Variants in ZNF83 observed in about 807,000 individuals in gnomAD.
ZNF83 encodes zinc finger protein 83.
For missense variants in ZNF83, 552 were observed against 629.9 expected (o/e 0.88, Z 1.32); for synonymous variants, 209 against 213.0 (o/e 0.98, Z 0.17).
At chr19:52,666,239 AAG>A (rs1333842570) in intron 1 of ZNF83, among the ~76,000 whole-genome samples, 1 of 151,896 alleles carries the variant, frequency 6.6e-6, no homozygotes, top group Non-Finnish European at 1.5e-5. Flanking sequence ...AAGGGAGTCA[AAG>A]AGAGAGGGAG....
chr19:52,633,628 G>C (rs2061047197), intron 2 of ZNF83, among the ~76,000 whole-genome samples: 1 of 152,198 alleles, frequency 6.6e-6, no homozygotes, highest in Non-Finnish European at 1.5e-5. Context: ...TATATTCATT[G>C]GTCAGGTGTG....
In ZNF83 at chr19:52,628,339, G is replaced by A. The variant is rs567727801; in HGVS notation, c.-234+6727C>T. The stretch of plus-strand genomic sequence containing the variant: ...GAAACATCTCACCAATTTCAAATCC[G>A]GTAAGTGGCCTCTTTTTACTCTCTT... On this transcript the variant is annotated intron_variant, in intron 2 of 2. Transcript: ENST00000301096. Among the ~76,000 whole-genome samples, 116 of 152,166 alleles carry A rather than the reference G, an allele frequency of 7.6e-4. 2 individuals carry two copies. Among genetic ancestry groups the A allele is most frequent in the African/African-American group, 2.5e-3 (104 of 41,530 alleles).
At chr19:52,636,469 G>C (rs897985642) in intron 1 of ZNF83, 1 of 152,146 alleles carries the variant, frequency 6.6e-6, no homozygotes, top group Admixed American at 6.5e-5. Context: ...GGGATTCCAA[G>C]TGGAAGCTAA....
At chr19:52,660,573 G>A (rs917465793) in intron 2 of ZNF83, among the ~76,000 whole-genome samples, 1 of 152,054 alleles carries the variant, frequency 6.6e-6, no homozygotes. Context: ...ATCCCAGATT[G>A]CTCCAGTGAA....
At chr19:52,651,140 A>G (rs62118520) in intron 3 of ZNF83, 27,831 of 152,204 alleles carry the variant, frequency 0.18, 2,673 homozygotes, top group Middle Eastern at 0.24. Context: ...CAAGCCATTA[A>G]TCAAACTGTT....
chr19:52,681,538 G>A (rs9304732), intron 1 of ZNF83, among the ~76,000 whole-genome samples: 35,144 of 151,868 alleles, frequency 0.23, 5,722 homozygotes, highest in African/African-American at 0.47. Flanking sequence ...TGCTTCCCAT[G>A]TCTTAAGCCA....
At chr19:52,613,022 A>T (rs2060153818) in exon 3 of ZNF83, 1 of 1,592,454 alleles carries the variant, frequency 6.3e-7, no homozygotes, top group Non-Finnish European at 8.6e-7. Flanking sequence ...CATTAATTAC[A>T]TGTGTTAGAT....
At chr19:52,688,968 AAAAAG>A (rs2062096347) in intron 1 of ZNF83, among the ~76,000 whole-genome samples, 1 of 144,160 alleles carries the variant, frequency 6.9e-6, no homozygotes, top group African/African-American at 2.6e-5. Flanking sequence ...AAAAAAAAAA[AAAAAG>A]AGAGAGATTA....
intron 1 of ZNF83, among the ~76,000 whole-genome samples, chr19:52,672,748 C>T (rs182078598): frequency 1.3e-5 from 2 of 152,204 alleles, no homozygotes; most frequent in Admixed American, 1.3e-4. Flanking sequence ...TATTGGTGCT[C>T]GCCATCATGC....
intron 1 of ZNF83, among the ~76,000 whole-genome samples, chr19:52,663,789 T>C (rs1011141641): frequency 2.0e-5 from 3 of 151,938 alleles, no homozygotes; most frequent in Non-Finnish European, 4.4e-5. Context: ...AAATGTGAGG[T>C]CAAAGAAGAA....
intron 1 of ZNF83, among the ~76,000 whole-genome samples, chr19:52,661,771 A>G (rs984827904): frequency 2.0e-5 from 3 of 152,146 alleles, no homozygotes; most frequent in East Asian, 3.9e-4. Context: ...AACAGGTAAC[A>G]TGGACCAGAG....
At chr19:52,680,064 A>G (rs2061882391) in intron 1 of ZNF83, among the ~76,000 whole-genome samples, 1 of 152,104 alleles carries the variant, frequency 6.6e-6, no homozygotes, top group Non-Finnish European at 1.5e-5. Context: ...TGGTAATCCC[A>G]GCTACTTGAG....
chr19:52,652,790 T>C (rs2061459191), intron 3 of ZNF83: 1 of 869,688 alleles, frequency 1.1e-6, no homozygotes, highest in Non-Finnish European at 1.9e-6. Context: ...CTAAAGGCTT[T>C]GCCACACTCA....
chr19:52,645,305 A>G (rs2061357941), intron 3 of ZNF83, among the ~76,000 whole-genome samples: 1 of 152,232 alleles, frequency 6.6e-6, no homozygotes, highest in Non-Finnish European at 1.5e-5. Flanking sequence ...AATAATAAAG[A>G]CTAGAAAGCA....
chr19:52,686,100 A>G (rs903174163), intron 1 of ZNF83, among the ~76,000 whole-genome samples: 1 of 152,126 alleles, frequency 6.6e-6, no homozygotes. Flanking sequence ...GTTAAACTGC[A>G]TTTTGATGTT....
intron 1 of ZNF83, among the ~76,000 whole-genome samples, chr19:52,667,430 A>G (rs957459021): frequency 6.6e-6 from 1 of 152,198 alleles, no homozygotes; most frequent in African/African-American, 2.4e-5. Flanking sequence ...GAAATGTCAT[A>G]TAATTTGAAA....
intron 2 of ZNF83, among the ~76,000 whole-genome samples, chr19:52,656,100 C>T (rs2061500500): frequency 1.3e-5 from 2 of 152,174 alleles, no homozygotes; most frequent in East Asian, 3.9e-4. Flanking sequence ...CTAGTCCCAG[C>T]TATTTGGGAG....
exon 3 of ZNF83, chr19:52,613,917 T>G: frequency 1.9e-6 from 3 of 1,613,204 alleles, no homozygotes; most frequent in Non-Finnish European, 2.5e-6. Context: ...GGTGTGAAAT[T>G]TGATGGAAGA....
chr19:52,690,163 A>G (rs2062127600), intron 1 of ZNF83, among the ~76,000 whole-genome samples: 2 of 136,770 alleles, frequency 1.5e-5, no homozygotes, highest in African/African-American at 5.6e-5. Context: ...GGGCGGGAGG[A>G]GTCTGAAAAT....
Sources: allele counts gnomAD v4.1 joint callset (sites outside exome capture counted in the v4.1 genomes callset), GRCh38; gene constraint gnomAD v4.1.1; transcripts MANE v1.5; gene names NCBI Gene and HGNC (gene_info 2026-07-23, HGNC 2026-07-21).